RNF187: variants seen among roughly 807,000 people sequenced by gnomAD.
RNF187 encodes ring finger protein 187.
Under a neutral mutation model 22.2 loss-of-function variants are expected in RNF187, and 18 were observed. The observed-to-expected ratio is 0.81, with a 90% CI of 0.56 to 1.20. The LOEUF is 1.20. RNF187 is among the 50% of genes most tolerant of loss of function. The probability of loss-of-function intolerance (pLI) is 0.00; values close to 1 mark genes in which losing one functional copy is unlikely to be tolerated. For missense variants in RNF187, 329 were observed against 317.6 expected (o/e 1.04, Z -0.27); for synonymous variants, 164 against 140.9 (o/e 1.16, Z -1.16).
chr1:228,490,200 C>T, intron 2 of RNF187, among the ~76,000 whole-genome samples: 2 of 152,194 alleles, frequency 1.3e-5, no homozygotes, highest in Non-Finnish European at 2.9e-5. Flanking sequence ...TTTACCCCAG[C>T]TTGAGGCTGA....
Position 228,495,687 on chromosome 1 carries a change from C to G in RNF187, c.*1802C>G. The G allele has an allele frequency of 1.0e-6, 1 of 985,476 alleles. No homozygotes were observed. The highest frequency in any genetic ancestry group is 6.2e-5 in the Admixed American group (1 of 16,258). 61.0% of individuals were successfully genotyped at this position (985,476 alleles called of 1,614,324 possible). On this transcript the variant is annotated 3_prime_UTR_variant, in exon 4 of 4. Coordinates refer to ENST00000305943, the MANE Select transcript of RNF187 (RefSeq NM_001010858.3). The stretch of plus-strand genomic sequence containing the variant: ...AGTGGCTTCACCATCCTCACCTAAC[C>G]TAGCTGACCAGCAACATCCCACCCT...
chr1:228,495,901 A>T lies in RNF187; in HGVS notation c.*2016A>T. The T allele has an allele frequency of 1.2e-5, 5 of 427,308 alleles. No individual in the cohort carries two copies. The highest frequency in any genetic ancestry group is 1.6e-5 in the Non-Finnish European group (5 of 320,496). 26.5% of individuals were successfully genotyped at this position (427,308 alleles called of 1,614,324 possible). The stretch of plus-strand genomic sequence containing the variant: ...AGTCATCCCTCTGTGCCTAAGGGGG[A>T]TTGGTTCCAGGACCCCCTCATGGAT... On this transcript the variant is annotated 3_prime_UTR_variant, in exon 4 of 4. Transcript: ENST00000305943.
At chr1:228,489,920 A>G in intron 2 of RNF187, among the ~76,000 whole-genome samples, 1 of 152,206 alleles carries the variant, frequency 6.6e-6, no homozygotes, top group Non-Finnish European at 1.5e-5. Flanking sequence ...CATTCAGACC[A>G]GAGCAGCGTT....
chr1:228,491,400 A>AAT, intron 2 of RNF187, among the ~76,000 whole-genome samples: 40 of 146,504 alleles, frequency 2.7e-4, no homozygotes, highest in South Asian at 2.7e-3. Context: ...AAAAAAAAAA[A>AAT]AAAAAAAAAT....
At chr1:228,491,498 T>TG in intron 2 of RNF187, among the ~76,000 whole-genome samples, 2 of 151,206 alleles carry the variant, frequency 1.3e-5, no homozygotes, top group African/African-American at 4.9e-5. Context: ...TGGAGTGCAG[T>TG]GGTGCGATCT....
chr1:228,493,111 T>C lies in RNF187; in HGVS notation c.542T>C (p.Phe181Ser), dbSNP rs993004320. 1 of 1,551,664 alleles carries C rather than the reference T, an allele frequency of 6.4e-7. No individual in the cohort carries two copies. Among genetic ancestry groups the C allele is most frequent in the Non-Finnish European group, 8.7e-7 (1 of 1,146,962 alleles). Residue 181 changes from phenylalanine (F) to serine (S), a missense_variant, in exon 3 of 4, where the codon TTC (phenylalanine) becomes TCC (serine). Physicochemically the swap from Phe to Ser is radical, Grantham distance 155. Coordinates refer to ENST00000305943, the MANE Select transcript of RNF187 (RefSeq NM_001010858.3). This position sits in a 1 kb window ranked among gnomAD's most constrained non-coding sequence, Gnocchi z 4.7. The stretch of plus-strand genomic sequence containing the variant: ...ACCGACTACAAGAAGCTGCGGGCCT[T>C]CTTTGTGGAGGAGGAGGAGCATTTC...
At chr1:228,488,837 T>C in intron 1 of RNF187, 123 bp from the exon 2 acceptor site, 1 of 747,482 alleles carries the variant, frequency 1.3e-6, no homozygotes, top group African/African-American at 1.8e-5. Context: ...CAACCGGGCT[T>C]CGAGGTTATC....
Position 228,494,392 on chromosome 1 carries a change from A to C in RNF187, c.*507A>C. The stretch of plus-strand genomic sequence containing the variant: ...GGGAGAGAAAGGAAGACTGGATTGC[A>C]CCTTGATGCCTCCTGAGGAGGCGGC... On this transcript the variant is annotated 3_prime_UTR_variant, in exon 4 of 4. Coordinates refer to ENST00000305943, the MANE Select transcript of RNF187 (RefSeq NM_001010858.3). 1 of 1,011,806 alleles carries C rather than the reference A, an allele frequency of 9.9e-7. No homozygotes were observed. The highest frequency in any genetic ancestry group is 1.2e-6 in the Non-Finnish European group (1 of 844,894). 62.7% of individuals were successfully genotyped at this position (1,011,806 alleles called of 1,614,324 possible).
At chr1:228,490,971 CCATGGGA>C in intron 2 of RNF187, among the ~76,000 whole-genome samples, 1 of 152,138 alleles carries the variant, frequency 6.6e-6, no homozygotes, top group Admixed American at 6.5e-5. Flanking sequence ...GTCCCCTTGG[CCATGGGA>C]GATGGGAGAG....
Position 228,495,485 on chromosome 1 carries a change from A to C in RNF187, c.*1600A>C. 1 of 985,434 alleles carries C rather than the reference A, an allele frequency of 1.0e-6. No homozygotes were observed. The highest frequency in any genetic ancestry group is 4.7e-5 in the South Asian group (1 of 21,282). 61.0% of individuals were successfully genotyped at this position (985,434 alleles called of 1,614,324 possible). On this transcript the variant is annotated 3_prime_UTR_variant, in exon 4 of 4. Coordinates refer to ENST00000305943, the MANE Select transcript of RNF187 (RefSeq NM_001010858.3). ...GTAGAGAATCTTTGTCAGCACGCCA[A>C]CAACATCCCGACCCTGAGACCTCCA...
intron 1 of RNF187, 60 bp downstream of exon 1, chr1:228,487,938 G>A: frequency 1.1e-6 from 1 of 900,700 alleles, no homozygotes; most frequent in Non-Finnish European, 1.3e-6. Flanking sequence ...CTCCGCCCCC[G>A]CCCCGGTCCC....
intron 2 of RNF187, among the ~76,000 whole-genome samples, chr1:228,492,139 C>T: frequency 2.0e-5 from 3 of 152,218 alleles, no homozygotes; most frequent in Admixed American, 6.5e-5. Flanking sequence ...CAGCCTCAAA[C>T]TCCTGGGCTC....
In RNF187 at chr1:228,493,777, C is replaced by CT; in HGVS notation, c.706-105dup. On this transcript the variant is annotated intron_variant, in intron 3 of 3. Coordinates refer to ENST00000305943, the MANE Select transcript of RNF187 (RefSeq NM_001010858.3). The surrounding 1 kb of genome is among the most constrained non-coding windows in gnomAD (Gnocchi z 4.7). ...CTCAGGACAGTACCTCATGCGCTGT[C>CT]TCATGTGCGCTCTCTCTTTCGCTCT... is the stretch of plus-strand genomic sequence containing the variant. 8.2e-7 allele frequency: 1 copy of CT among 1,226,878 alleles called. No individual in the cohort carries two copies. The highest frequency in any genetic ancestry group is 1.2e-6 in the Non-Finnish European group (1 of 852,702). 76.0% of individuals were successfully genotyped at this position (1,226,878 alleles called of 1,614,324 possible).
Position 228,489,473 on chromosome 1 carries a change from T to C in RNF187, c.483+421T>C. Among the ~76,000 whole-genome samples the C allele has an allele frequency of 7.4e-4, 112 of 152,282 alleles. 1 individual carries two copies. The highest frequency in any genetic ancestry group is 5.2e-3 in the East Asian group (27 of 5,164). The stretch of plus-strand genomic sequence containing the variant: ...CTACCACACCTGGTTAATTTTAAAA[T>C]GCTTTTCTAGAGGTGGGGGTCTTGC... On this transcript the variant is annotated intron_variant, in intron 2 of 3. Transcript: ENST00000305943.
Position 228,494,258 on chromosome 1 carries a change from A to G in RNF187, c.*373A>G. 1 of 1,218,412 alleles carries G rather than the reference A, an allele frequency of 8.2e-7. No individual in the cohort carries two copies. Among genetic ancestry groups the G allele is most frequent in the Non-Finnish European group, 1.0e-6 (1 of 966,988 alleles). 75.5% of individuals were successfully genotyped at this position (1,218,412 alleles called of 1,614,324 possible). ...CCCTGCACCTTCCATGTGGGCCCAC[A>G]GATCCTTGGCAGGTACCTGAGGTGC... is the stretch of plus-strand genomic sequence containing the variant. On this transcript the variant is annotated 3_prime_UTR_variant, in exon 4 of 4. Transcript: ENST00000305943.
chr1:228,487,434 T>G lies in RNF187; in HGVS notation c.-55T>G. 9.2e-7 allele frequency: 1 copy of G among 1,088,420 alleles called. No homozygotes were observed. Among genetic ancestry groups the G allele is most frequent in the South Asian group, 4.4e-5 (1 of 22,764 alleles). 67.4% of individuals were successfully genotyped at this position (1,088,420 alleles called of 1,614,324 possible). A position where few individuals can be genotyped will look rare whatever the true frequency, so the allele number is the denominator to read the frequency against. On this transcript the variant is annotated 5_prime_UTR_variant, in exon 1 of 4. Transcript: ENST00000305943. Reference sequence around the variant, plus strand: ...TCCGTCCGGTCGCCGGCCGTCTAGGTCTCCGGCCCTCCCCAGCCGCTCCTG... The same window carrying G: ...TCCGTCCGGTCGCCGGCCGTCTAGGGCTCCGGCCCTCCCCAGCCGCTCCTG...
chr1:228,493,966 G>A lies in RNF187; in HGVS notation c.*81G>A. The A allele has an allele frequency of 6.4e-7, 1 of 1,551,620 alleles. No individual in the cohort carries two copies. Reference sequence around the variant, plus strand: ...CCATGGGAAGTGTCAGCGTGTGGCTGCCAGGGAAGCGTGGCAGGCGCCTGG... The same window carrying A: ...CCATGGGAAGTGTCAGCGTGTGGCTACCAGGGAAGCGTGGCAGGCGCCTGG... On this transcript the variant is annotated 3_prime_UTR_variant, in exon 4 of 4. Transcript: ENST00000305943. The surrounding 1 kb of genome is among the most constrained non-coding windows in gnomAD (Gnocchi z 4.7).
Position 228,487,558 on chromosome 1 carries a change from C to A in RNF187, c.70C>A (p.Arg24Ser). 8.0e-7 allele frequency: 1 copy of A among 1,244,420 alleles called. No homozygotes were observed. Among genetic ancestry groups the A allele is most frequent in the Non-Finnish European group, 1.0e-6 (1 of 982,426 alleles). 77.1% of individuals were successfully genotyped at this position (1,244,420 alleles called of 1,614,324 possible). ...CCAGCGCGCGCCCCGGGAACCGGTGCGCGCCGACTGCGGCCACCGCTTCTG... is the reference window on the plus strand; with the variant it reads ...CCAGCGCGCGCCCCGGGAACCGGTGAGCGCCGACTGCGGCCACCGCTTCTG... Residue 24 changes from arginine to serine, a missense_variant, in exon 1 of 4, where the codon CGC (arginine) becomes AGC (serine). Transcript: ENST00000305943.
chr1:228,493,290 T>A lies in RNF187; in HGVS notation c.705+16T>A. ...GCTGCTGCAGGTGCGGGAGCCCCGC[T>A]GGGTCTGCCCACCATCGGGCCAGGG... is the stretch of plus-strand genomic sequence containing the variant. On this transcript the variant is annotated intron_variant, in intron 3 of 3. Transcript: ENST00000305943. The surrounding 1 kb of genome is among the most constrained non-coding windows in gnomAD (Gnocchi z 4.7). 1 of 1,545,852 alleles carries A rather than the reference T, an allele frequency of 6.5e-7. No homozygotes were observed.
Sources: gnomAD v4.1 joint callset for allele counts (sites outside exome capture counted in the v4.1 genomes callset) on GRCh38, gnomAD v4.1.1 for gene constraint, Gnocchi (gnomAD v3.1) non-coding constraint, MANE v1.5 for transcripts, NCBI Gene and HGNC (gene_info 2026-07-23, HGNC 2026-07-21) for gene names.